The following GAS7 variants were observed in gnomAD, a reference collection of about 807,000 sequenced individuals.
The protein encoded by GAS7 is growth arrest specific 7, also known as growth arrest-specific protein 7.
Under a neutral mutation model 71.1 loss-of-function variants are expected in GAS7, and 28 were observed. The observed-to-expected ratio is 0.39, with a 90% CI of 0.29 to 0.54. The LOEUF (loss-of-function observed/expected upper bound fraction) is 0.54, where lower values mean the gene tolerates loss of function less well. GAS7 is among the 20% of genes least tolerant of loss of function. The probability of loss-of-function intolerance (pLI) is 0.62; values close to 1 mark genes in which losing one functional copy is unlikely to be tolerated. For missense variants in GAS7, 436 were observed against 627.8 expected, an observed-to-expected ratio of 0.69 and a Z score of 3.27; for synonymous variants, 258 against 245.8, an observed-to-expected ratio of 1.05 and a Z score of -0.46.
At chr17:10,181,047 C>CG (rs1159321016) in intron 1 of GAS7, among the ~76,000 whole-genome samples, 4 of 40,596 alleles carry the variant, frequency 9.9e-5, no homozygotes, top group East Asian at 1.1e-3. Flanking sequence ...ATGAGGGTGG[C>CG]GGGGGGTGGG....
chr17:10,061,626 G>A (rs1197323733), intron 1 of GAS7, among the ~76,000 whole-genome samples: 1 of 152,198 alleles, frequency 6.6e-6, no homozygotes, highest in Non-Finnish European at 1.5e-5. Flanking sequence ...TTCGTCCAAA[G>A]ATGCACACAA....
rs34813185 is a variant in GAS7 at position 9,938,470 on chromosome 17, C to CAA, written c.806+1654_806+1655dup. The stretch of plus-strand genomic sequence containing the variant: ...TGGGCGACAGAGCGAGACTCTGTCT[C>CAA]AAAAAAAAAAAAAAAAAAAAAAATA... On this transcript the variant is annotated intron_variant, in intron 8 of 13. Transcript: ENST00000432992. Among the ~76,000 whole-genome samples, 400 of 64,438 alleles carry CAA rather than the reference C, an allele frequency of 6.2e-3. 4 individuals carry two copies. The highest frequency in any genetic ancestry group is 0.011 in the Middle Eastern group (1 of 88). 42.3% of individuals were successfully genotyped at this position (64,438 alleles called of 152,430 possible). A position where few individuals can be genotyped will look rare whatever the true frequency, so the allele number is the denominator to read the frequency against.
intron 1 of GAS7, among the ~76,000 whole-genome samples, chr17:10,125,900 C>G (rs1245694116): frequency 6.6e-6 from 1 of 152,196 alleles, no homozygotes; most frequent in Non-Finnish European, 1.5e-5. Context: ...CACATACACC[C>G]GCCCCGATTC....
chr17:9,934,757 A>G (rs976140503), intron 8 of GAS7, among the ~76,000 whole-genome samples: 1 of 152,190 alleles, frequency 6.6e-6, no homozygotes, highest in Non-Finnish European at 1.5e-5. Flanking sequence ...TTGTTCCTTG[A>G]GACAGTCTTG....
intron 1 of GAS7, among the ~76,000 whole-genome samples, chr17:10,186,862 C>T (rs1026257116): frequency 3.3e-5 from 5 of 151,490 alleles, no homozygotes; most frequent in Non-Finnish European, 4.4e-5. Flanking sequence ...CACTCCAGCC[C>T]GAGCGACAGA....
chr17:10,021,796 T>C (rs113035216), intron 1 of GAS7, among the ~76,000 whole-genome samples: 141 of 152,290 alleles, frequency 9.3e-4, no homozygotes, highest in African/African-American at 3.3e-3. Flanking sequence ...AGCCAAAATA[T>C]ATGCAAGACA....
intron 3 of GAS7, among the ~76,000 whole-genome samples, chr17:9,979,429 G>C (rs1057375466): frequency 6.6e-6 from 1 of 152,132 alleles, no homozygotes; most frequent in Non-Finnish European, 1.5e-5. Flanking sequence ...CCAGCACACA[G>C]TGCAGCGCTG....
intron 1 of GAS7, among the ~76,000 whole-genome samples, chr17:10,128,780 C>T (rs1431791013): frequency 1.3e-5 from 2 of 152,008 alleles, no homozygotes; most frequent in Non-Finnish European, 2.9e-5. Context: ...CCACCGCGCC[C>T]AGCTAATTTT....
intron 1 of GAS7, among the ~76,000 whole-genome samples, chr17:10,188,792 T>TCA (rs1313268209): frequency 6.6e-6 from 1 of 152,080 alleles, no homozygotes; most frequent in East Asian, 1.9e-4. Flanking sequence ...GCATGAACCA[T>TCA]CACACCCAGC....
chr17:9,918,175 A>AC, intron 12 of GAS7, 76 bp from the exon 13 acceptor site: 1 of 947,036 alleles, frequency 1.1e-6, no homozygotes, highest in Non-Finnish European at 1.7e-6. Flanking sequence ...AGACCACAAA[A>AC]CGCAAGTCAC....
At chr17:10,183,844 GAAA>G (rs796270979) in intron 1 of GAS7, among the ~76,000 whole-genome samples, 2 of 142,654 alleles carry the variant, frequency 1.4e-5, no homozygotes, top group African/African-American at 2.6e-5. Flanking sequence ...TCCGTCTCAG[GAAA>G]AAAAAAAAAA....
chr17:10,121,809 G>A (rs952399457), intron 1 of GAS7, among the ~76,000 whole-genome samples: 35 of 151,992 alleles, frequency 2.3e-4, no homozygotes, highest in Admixed American at 1.1e-3. Flanking sequence ...GGCTTCCCCA[G>A]CCCCAAGCCT....
intron 5 of GAS7, 100 bp from the exon 6 acceptor site, chr17:9,947,083 T>C (rs1451756955): frequency 1.2e-5 from 9 of 733,248 alleles, no homozygotes; most frequent in African/African-American, 8.8e-5. Flanking sequence ...AGCCTCCCTA[T>C]TGACAGAACA....
intron 1 of GAS7, among the ~76,000 whole-genome samples, chr17:10,192,018 A>C (rs113260967): frequency 0.012 from 1,845 of 152,284 alleles, 30 homozygotes; most frequent in African/African-American, 0.042. Flanking sequence ...ACTAAAAACA[A>C]ATTCTTAAAG....
At chr17:10,183,189 C>T (rs72810943) in intron 1 of GAS7, among the ~76,000 whole-genome samples, 452 of 152,158 alleles carry the variant, frequency 3.0e-3, no homozygotes, top group Non-Finnish European at 4.9e-3. Flanking sequence ...CCAGCAACAT[C>T]CCATGGGAAT....
intron 1 of GAS7, among the ~76,000 whole-genome samples, chr17:10,149,350 G>A (rs1457490349): frequency 2.6e-5 from 4 of 152,030 alleles, no homozygotes; most frequent in African/African-American, 4.8e-5. Context: ...TGATCCACCC[G>A]CCTTGGCCTC....
chr17:10,130,216 A>T (rs55684680), intron 1 of GAS7, among the ~76,000 whole-genome samples: 25,247 of 151,462 alleles, frequency 0.17, 2,210 homozygotes, highest in Middle Eastern at 0.25. Flanking sequence ...AAAAACATGA[A>T]TGGTCAATAA....
At chr17:10,045,745 T>C (rs991664136) in intron 1 of GAS7, among the ~76,000 whole-genome samples, 4 of 152,184 alleles carry the variant, frequency 2.6e-5, no homozygotes, top group African/African-American at 7.2e-5. Flanking sequence ...CGGCACCCAG[T>C]TGAAAAGGCC....
chr17:9,962,245 C>CACACACACAT (rs2069526960), intron 4 of GAS7, among the ~76,000 whole-genome samples: 1 of 151,608 alleles, frequency 6.6e-6, no homozygotes, highest in African/African-American at 2.4e-5. Flanking sequence ...TTTATACACA[C>CACACACACAT]ACACACACAC....
Sources: gnomAD v4.1 joint callset for allele counts (sites outside exome capture counted in the v4.1 genomes callset) on GRCh38, gnomAD v4.1.1 for gene constraint, MANE v1.5 for transcripts, NCBI Gene and HGNC (gene_info 2026-07-23, HGNC 2026-07-21) for gene names.